Variants in SCAPER observed in about 807,000 individuals in gnomAD.
SCAPER encodes S phase cyclin A-associated protein in the endoplasmic reticulum.
A neutral mutation model predicts 182.2 loss-of-function variants in SCAPER; 98 were observed. The observed-to-expected ratio is 0.54, with a 90% CI of 0.46 to 0.64. The LOEUF is 0.64. Among genes scored for constraint, SCAPER ranks in the 30% least tolerant of loss-of-function variants. The pLI is 0.00. For missense variants in SCAPER, 1,432 were observed against 1,690.0 expected (o/e 0.85, Z 2.68); for synonymous variants, 605 against 564.6 (o/e 1.07, Z -1.01).
At chr15:76,650,678 C>G (rs2054957351) in intron 21 of SCAPER, among the ~76,000 whole-genome samples, 1 of 151,996 alleles carries the variant, frequency 6.6e-6, no homozygotes, top group Non-Finnish European at 1.5e-5. Flanking sequence ...ACCACATAGA[C>G]CTAACTGACA....
Position 76,833,517 on chromosome 15 carries a change from T to C in SCAPER, c.393+8217A>G, listed in dbSNP as rs56113397. ...AGGATTAATGCATCACATATCAATA[T>C]TGACCTTGAATATAAATGGGCTAAA... is the stretch of plus-strand genomic sequence containing the variant. On this transcript the variant is annotated intron_variant, in intron 5 of 31. Coordinates refer to ENST00000563290, the MANE Select transcript of SCAPER (RefSeq NM_020843.4). 2.0e-3 allele frequency among the ~76,000 whole-genome samples: 303 copies of C among 152,286 alleles called. 2 individuals are homozygous for C. The highest frequency in any genetic ancestry group is 3.5e-3 in the Non-Finnish European group (235 of 68,024).
intron 24 of SCAPER, among the ~76,000 whole-genome samples, 176 bp from the exon 25 acceptor site, chr15:76,471,511 T>A (rs1346904218): frequency 2.6e-5 from 4 of 152,196 alleles, no homozygotes; most frequent in African/African-American, 9.7e-5. Context: ...AAGCTTATAA[T>A]TTTCACCCAA....
At chr15:76,643,294 A>G (rs181863905) in intron 21 of SCAPER, among the ~76,000 whole-genome samples, 2 of 152,324 alleles carry the variant, frequency 1.3e-5, no homozygotes, top group African/African-American at 4.8e-5. Flanking sequence ...ACACTGTTCA[A>G]TAAGGATCAA....
intron 24 of SCAPER, among the ~76,000 whole-genome samples, chr15:76,483,811 T>C (rs1377204745): frequency 2.0e-5 from 3 of 152,164 alleles, no homozygotes; most frequent in Admixed American, 2.0e-4. Flanking sequence ...ATACACCTAT[T>C]AGGATGGCTA....
At chr15:76,834,505 C>T (rs569668825) in intron 5 of SCAPER, among the ~76,000 whole-genome samples, 2 of 152,074 alleles carry the variant, frequency 1.3e-5, no homozygotes, top group East Asian at 1.9e-4. Context: ...AACCAAACTC[C>T]GAGCTGAACT....
intron 21 of SCAPER, among the ~76,000 whole-genome samples, chr15:76,652,273 A>AAAAATAT (rs1207156993): frequency 8.6e-4 from 11 of 12,864 alleles, no homozygotes; most frequent in Admixed American, 1.5e-3. Flanking sequence ...AAAAAAAAAA[A>AAAAATAT]ATATATATAT....
At chr15:76,774,436 T>G (rs2063631352) in intron 9 of SCAPER, 3 of 379,282 alleles carry the variant, frequency 7.9e-6, no homozygotes, top group Non-Finnish European at 1.5e-5. Flanking sequence ...TTGGGAAAAC[T>G]AAAACACTTT....
chr15:76,781,063 A>C (rs371414182), intron 8 of SCAPER, among the ~76,000 whole-genome samples: 5 of 152,224 alleles, frequency 3.3e-5, no homozygotes, highest in Non-Finnish European at 7.3e-5. Context: ...AGTAGGCTTC[A>C]GAAGGCCAGT....
intron 14 of SCAPER, among the ~76,000 whole-genome samples, chr15:76,759,214 G>A (rs1361977533): frequency 6.6e-6 from 1 of 152,036 alleles, no homozygotes; most frequent in Non-Finnish European, 1.5e-5. Context: ...TCATATATGG[G>A]CGGTCTTAGT....
chr15:76,500,737 G>A (rs1247742466), intron 24 of SCAPER, among the ~76,000 whole-genome samples: 2 of 152,044 alleles, frequency 1.3e-5, no homozygotes, highest in East Asian at 3.8e-4. Context: ...GTTTTAAAAA[G>A]GCTAGAAGAT....
At chr15:76,353,741 A>G (rs770230767) in intron 30 of SCAPER, among the ~76,000 whole-genome samples, 1 of 152,226 alleles carries the variant, frequency 6.6e-6, no homozygotes, top group Non-Finnish European at 1.5e-5. Flanking sequence ...AAATCCTCCA[A>G]GTAGAAATTA....
intron 27 of SCAPER, among the ~76,000 whole-genome samples, chr15:76,401,139 T>C (rs2044426609): frequency 6.6e-6 from 1 of 152,070 alleles, no homozygotes; most frequent in Non-Finnish European, 1.5e-5. Context: ...ATATGATATG[T>C]ATATGTATAT....
intron 15 of SCAPER, among the ~76,000 whole-genome samples, chr15:76,740,974 T>C (rs984109346): frequency 1.3e-5 from 2 of 152,148 alleles, no homozygotes; most frequent in Non-Finnish European, 2.9e-5. Context: ...GAAATTAAAA[T>C]GAAATTGAAT....
chr15:76,631,759 C>G (rs995227827), intron 21 of SCAPER, among the ~76,000 whole-genome samples: 2 of 152,040 alleles, frequency 1.3e-5, no homozygotes, highest in Admixed American at 6.6e-5. Context: ...GAAGATTATA[C>G]GTCTTGGGGT....
In SCAPER at chr15:76,862,497, T is replaced by G. The variant is rs779942998; in HGVS notation, c.43A>C (p.Arg15=). ...FQRSNSHDKV[R]RIVAEEGRTA... Reference sequence around the variant, plus strand: ...CGACCCTCCTCTGCAACTATTCTCCTTACTTTGTCATGACTATTGGAGCGC... The same window carrying G: ...CGACCCTCCTCTGCAACTATTCTCCGTACTTTGTCATGACTATTGGAGCGC... Residue 15 remains arginine (R), a synonymous_variant, in exon 3 of 32, where the codon AGG becomes CGG. Coordinates refer to ENST00000563290, the MANE Select transcript of SCAPER (RefSeq NM_020843.4). The G allele has an allele frequency of 6.2e-7, 1 of 1,613,256 alleles. No homozygotes were observed. The highest frequency in any genetic ancestry group is 8.5e-7 in the Non-Finnish European group (1 of 1,179,524).
At position 76,841,885 on chromosome 15, in the gene SCAPER, T is replaced by C. The variant is rs1259465219; in HGVS notation, c.242A>G (p.Lys81Arg). Residue 81 changes from lysine (K) to arginine (R), a missense_variant, in exon 5 of 32, where the codon AAA becomes AGA. Transcript: ENST00000563290. ...CKITSSTTGDKHFDKSPTKTR... is the reference protein window; with the variant it reads ...CKITSSTTGDRHFDKSPTKTR... ...TTTAGTGGGACTTTTATCAAAGTGT[T>C]TATCTCCAGTCGTAGACGATGTTAT... The C allele has an allele frequency of 1.2e-6, 2 of 1,613,798 alleles. No homozygotes were observed. Among genetic ancestry groups the C allele is most frequent in the African/African-American group, 1.3e-5 (1 of 74,928 alleles).
chr15:76,876,129 G>A lies in SCAPER; in HGVS notation c.6+7683C>T, dbSNP rs549871112. Among the ~76,000 whole-genome samples the A allele has an allele frequency of 5.0e-4, 76 of 152,262 alleles. 1 individual carries two copies. The highest frequency in any genetic ancestry group is 1.4e-3 in the Admixed American group (21 of 15,306). ...GAGTACAGGAGCCCGCCAAGCCCAC[G>A]CCCATCAGGAACTCTAGCTGGCCCG... On this transcript the variant is annotated intron_variant, in intron 2 of 31. Coordinates refer to ENST00000563290, the MANE Select transcript of SCAPER (RefSeq NM_020843.4).
At chr15:76,808,158 C>G (rs1352546156) in intron 5 of SCAPER, among the ~76,000 whole-genome samples, 1 of 152,140 alleles carries the variant, frequency 6.6e-6, no homozygotes, top group African/African-American at 2.4e-5. Flanking sequence ...AAACTACTAG[C>G]CCCCAGTTTC....
At chr15:76,718,773 G>T (rs1026529748) in intron 17 of SCAPER, among the ~76,000 whole-genome samples, 1 of 152,004 alleles carries the variant, frequency 6.6e-6, no homozygotes, top group Non-Finnish European at 1.5e-5. Context: ...TTTCTCCAAA[G>T]AAGTCATAGT....
Sources: allele counts gnomAD v4.1 joint callset (sites outside exome capture counted in the v4.1 genomes callset), GRCh38; gene constraint gnomAD v4.1.1; transcripts MANE v1.5; gene names NCBI Gene and HGNC (gene_info 2026-07-23, HGNC 2026-07-21).